The following TTC7B variants were observed in gnomAD, a reference collection of about 807,000 sequenced individuals.
TTC7B encodes tetratricopeptide repeat protein 7B.
Under a neutral mutation model 106.8 loss-of-function variants are expected in TTC7B, and 28 were observed. That is an observed-to-expected ratio of 0.26 (90% CI 0.19 to 0.36). The LOEUF (loss-of-function observed/expected upper bound fraction) is 0.36. TTC7B is among the 10% of genes least tolerant of loss of function. The probability of loss-of-function intolerance (pLI) is 1.00; values close to 1 mark genes in which losing one functional copy is unlikely to be tolerated. For missense variants in TTC7B, 862 were observed against 1,076.4 expected, an observed-to-expected ratio of 0.80 and a Z score of 2.79; for synonymous variants, 405 against 430.6, an observed-to-expected ratio of 0.94 and a Z score of 0.74.
chr14:90,655,145 C>T (rs1410647938), intron 11 of TTC7B, 35 bp from the exon 12 acceptor site: 2 of 1,522,072 alleles, frequency 1.3e-6, no homozygotes, highest in Admixed American at 3.3e-5. Flanking sequence ...CAACAACAAC[C>T]TGCAGAATTT....
intron 5 of TTC7B, among the ~76,000 whole-genome samples, chr14:90,704,473 G>C (rs904926176): frequency 2.0e-5 from 3 of 152,216 alleles, no homozygotes; most frequent in Non-Finnish European, 2.9e-5. Context: ...TCTGATGCCA[G>C]TGCTAAGGGA....
At position 90,802,907 on chromosome 14, in the gene TTC7B, G is replaced by A. The variant is rs1055930272; in HGVS notation, c.121+13268C>T. 1.6e-4 allele frequency among the ~76,000 whole-genome samples: 24 copies of A among 151,378 alleles called. No homozygotes were observed. The highest frequency in any genetic ancestry group is 2.4e-4 in the Non-Finnish European group (16 of 67,962). On this transcript the variant is annotated intron_variant, in intron 1 of 19. Coordinates refer to ENST00000328459, the MANE Select transcript of TTC7B (RefSeq NM_001010854.2). The surrounding 1 kb of genome is among the most constrained non-coding windows in gnomAD (Gnocchi z 4.7). ...TGTAATCCCAGCACTTTGGGAGGCCGAAGCAGGCGGATCACCTAAGGTCAG... is the reference window on the plus strand; with the variant it reads ...TGTAATCCCAGCACTTTGGGAGGCCAAAGCAGGCGGATCACCTAAGGTCAG...
In TTC7B at chr14:90,542,186, A is replaced by G. The variant is rs563049773; in HGVS notation, c.2311-597T>C. 5.9e-5 allele frequency among the ~76,000 whole-genome samples: 9 copies of G among 151,652 alleles called. No homozygotes were observed. The East Asian group carries it at 1.7e-3, about 29-fold the overall frequency. On this transcript the variant is annotated intron_variant, in intron 19 of 19. Coordinates refer to ENST00000328459, the MANE Select transcript of TTC7B (RefSeq NM_001010854.2). Reference sequence around the variant, plus strand: ...GATCTCCTGACCTCGTGATCTGCCCACCTCGGCCTCCCAAAGTGCTGGGAT... The same window carrying G: ...GATCTCCTGACCTCGTGATCTGCCCGCCTCGGCCTCCCAAAGTGCTGGGAT...
chr14:90,623,449 C>A (rs752691264), intron 15 of TTC7B, among the ~76,000 whole-genome samples: 2 of 152,106 alleles, frequency 1.3e-5, no homozygotes, highest in Admixed American at 1.3e-4. Context: ...ATGAAGATAG[C>A]GGCACTAAAG....
chr14:90,745,814 T>C (rs7141557), intron 3 of TTC7B, among the ~76,000 whole-genome samples: 146,199 of 151,646 alleles, frequency 0.96, 70,644 homozygotes, highest in Non-Finnish European at 1. Context: ...AAGAGATTCT[T>C]CTGTCTCAGC....
intron 19 of TTC7B, among the ~76,000 whole-genome samples, chr14:90,561,790 G>T (rs1163096364): frequency 1.3e-5 from 2 of 152,222 alleles, no homozygotes; most frequent in East Asian, 3.9e-4. Flanking sequence ...AGGGAAGAGG[G>T]CTGGCTACAG....
At chr14:90,582,294 G>T (rs1267987708) in intron 18 of TTC7B, among the ~76,000 whole-genome samples, 1 of 152,236 alleles carries the variant, frequency 6.6e-6, no homozygotes, top group African/African-American at 2.4e-5. Flanking sequence ...AGAACATGGA[G>T]AACTTGGTTC....
intron 18 of TTC7B, among the ~76,000 whole-genome samples, chr14:90,580,988 C>T (rs922457794): frequency 6.6e-6 from 1 of 152,166 alleles, no homozygotes; most frequent in Non-Finnish European, 1.5e-5. Context: ...GTCCCTCCCT[C>T]GAACATCTCA....
chr14:90,680,758 T>C (rs1566833453), intron 7 of TTC7B, among the ~76,000 whole-genome samples: 1 of 152,280 alleles, frequency 6.6e-6, no homozygotes, highest in Non-Finnish European at 1.5e-5. Context: ...AGTAAAGCTG[T>C]AAAAACCAAG....
rs1566857710 is a variant in TTC7B, at chr14:90,726,162, A to G, written c.698+3913T>C. ...CATGCCCAAATCAAGCTTCTCTGGC[A>G]ATTCTGGCGGCAATGACTCAAGTAG... On this transcript the variant is annotated intron_variant, in intron 5 of 19. Transcript: ENST00000328459. Among the ~76,000 whole-genome samples, 3 of 152,334 alleles carry G rather than the reference A, an allele frequency of 2.0e-5. No homozygotes were observed. In the South Asian group the frequency reaches 6.2e-4, roughly 32 times the overall value.
chr14:90,660,395 CAAAAAAAAAAAAAA>C (rs57030874), intron 9 of TTC7B, among the ~76,000 whole-genome samples: 5 of 40,892 alleles, frequency 1.2e-4, no homozygotes, highest in African/African-American at 3.0e-4. Flanking sequence ...CACCCTGTCT[CAAAAAAAAAAAAAA>C]AAAAAAAAAA....
chr14:90,751,591 A>T (rs565916191), intron 3 of TTC7B, among the ~76,000 whole-genome samples: 143 of 150,982 alleles, frequency 9.5e-4, no homozygotes, highest in African/African-American at 2.3e-3. Flanking sequence ...TTTATTTTTT[A>T]TTTTTTATTT....
At position 90,805,012 on chromosome 14, in the gene TTC7B, A is replaced by G. The variant is rs1022738944; in HGVS notation, c.121+11163T>C. On this transcript the variant is annotated intron_variant, in intron 1 of 19. Coordinates refer to ENST00000328459, the MANE Select transcript of TTC7B (RefSeq NM_001010854.2). The surrounding 1 kb of genome is among the most constrained non-coding windows in gnomAD (Gnocchi z 4.0). The stretch of plus-strand genomic sequence containing the variant: ...TGGGCATTCCGTCAGCCCCGCCAGC[A>G]AGCCAGGACTCACCCGGAGCCCCAG... 1.3e-5 allele frequency among the ~76,000 whole-genome samples: 2 copies of G among 152,140 alleles called. No individual in the cohort carries two copies. The highest frequency in any genetic ancestry group is 4.8e-5 in the African/African-American group (2 of 41,424).
intron 9 of TTC7B, among the ~76,000 whole-genome samples, chr14:90,666,684 C>A (rs1236847960): frequency 1.3e-5 from 2 of 152,198 alleles, no homozygotes; most frequent in African/African-American, 4.8e-5. Context: ...TATCCATGCC[C>A]CACCTCTTCC....
At chr14:90,561,654 C>T (rs1035939172) in intron 19 of TTC7B, among the ~76,000 whole-genome samples, 1 of 152,226 alleles carries the variant, frequency 6.6e-6, no homozygotes, top group African/African-American at 2.4e-5. Context: ...CCCAAGGGCC[C>T]CAGCTCCTCC....
intron 17 of TTC7B, among the ~76,000 whole-genome samples, chr14:90,594,420 G>A (rs1892116352): frequency 1.3e-5 from 2 of 152,070 alleles, no homozygotes; most frequent in South Asian, 4.2e-4. Flanking sequence ...TTTTCACGTT[G>A]ACCTCTCGGA....
chr14:90,668,342 G>GT (rs1566827473), intron 9 of TTC7B, among the ~76,000 whole-genome samples: 2 of 152,174 alleles, frequency 1.3e-5, no homozygotes, highest in East Asian at 3.9e-4. Flanking sequence ...TGAGGTAGGA[G>GT]CTCAGAGTAG....
In TTC7B at chr14:90,578,207, C is replaced by T. The variant is rs1395637444; in HGVS notation, c.2209G>A (p.Gly737Ser). The T allele has an allele frequency of 3.1e-6, 5 of 1,614,190 alleles. No individual in the cohort carries two copies. Among genetic ancestry groups the T allele is most frequent in the South Asian group, 1.1e-5 (1 of 91,066 alleles). Reference protein sequence around the residue: ...PMSHNVLYMRGQIAELRGSMD... With the variant: ...PMSHNVLYMRSQIAELRGSMD... Reference sequence around the variant, plus strand: ...CTTCCCCGGAGCTCAGCAATCTGGCCGCGCATGTAGAGGACATTGTGGGAC... The same window carrying T: ...CTTCCCCGGAGCTCAGCAATCTGGCTGCGCATGTAGAGGACATTGTGGGAC... The change falls in exon 19 of 20, where the codon GGC becomes AGC. Residue 737 changes from glycine (G) to serine (S), a missense_variant. By Grantham distance (56) the Gly-to-Ser change is moderately conservative. Coordinates refer to ENST00000328459, the MANE Select transcript of TTC7B (RefSeq NM_001010854.2). This position sits in a 1 kb window ranked among gnomAD's most constrained non-coding sequence, Gnocchi z 4.7.
At chr14:90,806,214 T>C (rs6575152) in intron 1 of TTC7B, among the ~76,000 whole-genome samples, 17,833 of 152,206 alleles carry the variant, frequency 0.12, 1,294 homozygotes, top group African/African-American at 0.2. Context: ...CCGCTACACA[T>C]ACAGCACCCC....
Sources: allele counts gnomAD v4.1 joint callset (sites outside exome capture counted in the v4.1 genomes callset), GRCh38; gene constraint gnomAD v4.1.1; non-coding constraint Gnocchi (gnomAD v3.1); transcripts MANE v1.5; gene names NCBI Gene and HGNC (gene_info 2026-07-23, HGNC 2026-07-21).